The following YPEL2 variants were observed in gnomAD, a reference collection of about 807,000 sequenced individuals.
YPEL2 encodes the protein protein yippee-like 2.
In YPEL2, 2 loss-of-function variants were observed where a neutral mutation model predicts 19.1. That is an observed-to-expected ratio of 0.10 (90% CI 0.04 to 0.33). The LOEUF is 0.33. YPEL2 is among the 10% of genes least tolerant of loss of function. The probability of loss-of-function intolerance (pLI) is 1.00; values close to 1 mark genes in which losing one functional copy is unlikely to be tolerated. For missense variants in YPEL2, 66 were observed against 140.7 expected, an observed-to-expected ratio of 0.47 and a Z score of 2.68; for synonymous variants, 52 against 50.0, an observed-to-expected ratio of 1.04 and a Z score of -0.17.
At chr17:59,356,608 G>C (rs1490799426) in intron 2 of YPEL2, among the ~76,000 whole-genome samples, 1 of 152,110 alleles carries the variant, frequency 6.6e-6, no homozygotes, top group Non-Finnish European at 1.5e-5. Flanking sequence ...TCATACAATG[G>C]GTAAAATAAT....
At chr17:59,349,044 G>C (rs985296435) in intron 1 of YPEL2, among the ~76,000 whole-genome samples, 12 of 151,490 alleles carry the variant, frequency 7.9e-5, no homozygotes, top group Non-Finnish European at 1.5e-4. Context: ...CGTAGTGGCG[G>C]GCGCCTGTAG....
At chr17:59,341,715 T>G (rs936175878) in intron 1 of YPEL2, among the ~76,000 whole-genome samples, 1 of 152,170 alleles carries the variant, frequency 6.6e-6, no homozygotes, top group Non-Finnish European at 1.5e-5. Context: ...TTGCTGGACC[T>G]CAAAGGATCA....
intron 2 of YPEL2, among the ~76,000 whole-genome samples, chr17:59,364,142 G>A (rs1480433708): frequency 6.6e-6 from 1 of 152,172 alleles, no homozygotes. Flanking sequence ...GATTCTCAAT[G>A]TCCTGGAGTC....
At chr17:59,355,145 CTT>C (rs2047806518) in intron 2 of YPEL2, 2 of 152,268 alleles carry the variant, frequency 1.3e-5, no homozygotes, top group South Asian at 2.1e-4. Flanking sequence ...CAACTTGACA[CTT>C]TATCAATGTT....
rs777604345 is a variant in YPEL2 at position 59,401,428 on chromosome 17, G to A, written c.*4238G>A. On this transcript the variant is annotated 3_prime_UTR_variant, in exon 5 of 5. Transcript: ENST00000312655. The stretch of plus-strand genomic sequence containing the variant: ...CGCATATGTTTTTGTATAACATTTC[G>A]GTGACAGTGGGAGTCGGTTCCCTTT... 16 of 152,470 alleles carry A rather than the reference G, an allele frequency of 1.0e-4. No homozygotes were observed. The highest frequency in any genetic ancestry group is 1.8e-4 in the Non-Finnish European group (12 of 68,006). The allele number at this position is 152,470 out of a possible 1,614,324, so 9.4% of individuals were successfully genotyped here. A position where few individuals can be genotyped will look rare whatever the true frequency, so the allele number is the denominator to read the frequency against.
intron 2 of YPEL2, chr17:59,355,998 C>T (rs1047717591): frequency 6.6e-6 from 1 of 152,158 alleles, no homozygotes; most frequent in Non-Finnish European, 1.5e-5. Context: ...CCACCCCCGG[C>T]GTTAAATAAT....
intron 2 of YPEL2, among the ~76,000 whole-genome samples, chr17:59,374,867 A>G (rs769926625): frequency 1.2e-4 from 18 of 152,210 alleles, no homozygotes; most frequent in Non-Finnish European, 2.4e-4. Flanking sequence ...AGTTTATCCA[A>G]CTACATAATT....
chr17:59,391,670 G>A (rs1260002730), intron 4 of YPEL2, among the ~76,000 whole-genome samples: 1 of 152,078 alleles, frequency 6.6e-6, no homozygotes, highest in African/African-American at 2.4e-5. Context: ...GGCCGAGGTG[G>A]GTGGATCACC....
At chr17:59,395,922 C>G (rs2048036920) in intron 4 of YPEL2, among the ~76,000 whole-genome samples, 1 of 151,796 alleles carries the variant, frequency 6.6e-6, no homozygotes, top group African/African-American at 2.4e-5. Context: ...ACTGAAAATA[C>G]AAAAAAAATT....
rs149834838 is a variant in YPEL2 at position 59,393,302 on chromosome 17, ATTT to A, written c.271-3786_271-3784del. Among the ~76,000 whole-genome samples, 59 of 135,302 alleles carry A rather than the reference ATTT, an allele frequency of 4.4e-4. No individual in the cohort carries two copies. In the Middle Eastern group the frequency reaches 0.011, roughly 25 times the overall value. 88.8% of individuals were successfully genotyped at this position (135,302 alleles called of 152,430 possible). On this transcript the variant is annotated intron_variant, in intron 4 of 4. Transcript: ENST00000312655. ...GACATCACACCCAGCTGATTTTTGTATTTTTTTTTTTTTTTGTAGAGATGAGGT... is the reference window on the plus strand; with the variant it reads ...GACATCACACCCAGCTGATTTTTGTATTTTTTTTTTTTGTAGAGATGAGGT...
chr17:59,366,720 C>G (rs1364734100), intron 2 of YPEL2, among the ~76,000 whole-genome samples: 1 of 152,190 alleles, frequency 6.6e-6, no homozygotes, highest in Admixed American at 6.5e-5. Flanking sequence ...TTCCAAACGA[C>G]AGGTACAACT....
At chr17:59,384,771 A>G (rs1386465038) in intron 2 of YPEL2, among the ~76,000 whole-genome samples, 1 of 152,202 alleles carries the variant, frequency 6.6e-6, no homozygotes, top group Non-Finnish European at 1.5e-5. Context: ...AAGTCTCACA[A>G]TGTTGCCTGT....
chr17:59,390,413 AT>A (rs1418219673), intron 4 of YPEL2, among the ~76,000 whole-genome samples: 3 of 152,186 alleles, frequency 2.0e-5, no homozygotes, highest in African/African-American at 7.2e-5. Flanking sequence ...AAGTGCTGGG[AT>A]TATAGGCGTG....
rs564747161 is a variant in YPEL2 at position 59,344,819 on chromosome 17, G to A, written c.-195-8396G>A. On this transcript the variant is annotated intron_variant, in intron 1 of 4. Coordinates refer to ENST00000312655, the MANE Select transcript of YPEL2 (RefSeq NM_001005404.4). Reference sequence around the variant, plus strand: ...GGAGACTGCCCGTATTTTTGTTACCGAAAATCCTGGTTATGATAAATGATA... The same window carrying A: ...GGAGACTGCCCGTATTTTTGTTACCAAAAATCCTGGTTATGATAAATGATA... Among the ~76,000 whole-genome samples the A allele has an allele frequency of 6.6e-5, 10 of 152,272 alleles. No homozygotes were observed. In the East Asian group the frequency reaches 9.6e-4, roughly 15 times the overall value.
At chr17:59,396,284 A>G (rs949842879) in intron 4 of YPEL2, among the ~76,000 whole-genome samples, 1 of 152,256 alleles carries the variant, frequency 6.6e-6, no homozygotes, top group African/African-American at 2.4e-5. Flanking sequence ...TGTGCCAGGC[A>G]GTCTTCTAAG....
At chr17:59,372,163 G>A (rs762859054) in intron 2 of YPEL2, among the ~76,000 whole-genome samples, 8 of 152,196 alleles carry the variant, frequency 5.3e-5, no homozygotes, top group Non-Finnish European at 1.2e-4. Flanking sequence ...GTGTCCAGAG[G>A]CTGTTTTAAA....
At chr17:59,373,947 G>A (rs937003718) in intron 2 of YPEL2, among the ~76,000 whole-genome samples, 3 of 152,158 alleles carry the variant, frequency 2.0e-5, no homozygotes, top group Non-Finnish European at 2.9e-5. Flanking sequence ...TGCTTTTTAC[G>A]CAGATAAACA....
intron 2 of YPEL2, among the ~76,000 whole-genome samples, chr17:59,361,285 A>G (rs1037288638): frequency 6.6e-6 from 1 of 152,122 alleles, no homozygotes; most frequent in African/African-American, 2.4e-5. Context: ...ACAAATACTA[A>G]TTACGTACTC....
intron 1 of YPEL2, among the ~76,000 whole-genome samples, chr17:59,336,170 A>C (rs2047697885): frequency 6.6e-6 from 1 of 152,204 alleles, no homozygotes; most frequent in Non-Finnish European, 1.5e-5. Context: ...GAGGAAATAT[A>C]CTTTAAGAGG....
Sources: gnomAD v4.1 joint callset for allele counts (sites outside exome capture counted in the v4.1 genomes callset) on GRCh38, gnomAD v4.1.1 for gene constraint, MANE v1.5 for transcripts, NCBI Gene and HGNC (gene_info 2026-07-23, HGNC 2026-07-21) for gene names.